Variants in PACS2 observed in about 807,000 individuals in gnomAD.
The protein encoded by PACS2 is PACS1-like protein.
Under a neutral mutation model 113.0 loss-of-function variants are expected in PACS2, and 36 were observed. That is an observed-to-expected ratio of 0.32 (90% confidence interval 0.24 to 0.42). PACS2 has a LOEUF of 0.42. Among genes scored for constraint, PACS2 ranks in the 10% least tolerant of loss-of-function variants. The pLI is 1.00. For synonymous variants in PACS2, 589 were observed against 536.1 expected (o/e 1.10, Z -1.36); for missense variants, 1,015 against 1,239.5 (o/e 0.82, Z 2.72).
chr14:105,394,877 TC>T lies in PACS2; in HGVS notation c.*206del. On this transcript the variant is annotated 3_prime_UTR_variant, in exon 25 of 25. Transcript: ENST00000447393. Reference sequence around the variant, plus strand: ...CTGCTCTGCTTATTAACCCGAACGTTCGGCCCGGGGCTGGGAAGCCAGAAGG... The same window carrying T: ...CTGCTCTGCTTATTAACCCGAACGTTGGCCCGGGGCTGGGAAGCCAGAAGG... 1 of 552,728 alleles carries T rather than the reference TC, an allele frequency of 1.8e-6. No homozygotes were observed. The allele number at this position is 552,728 out of a possible 1,614,324, so 34.2% of individuals were successfully genotyped here.
rs896453721 is a variant in PACS2 at position 105,329,552 on chromosome 14, G to A, written c.119+14515G>A. ...GGGCTCATGGGGCAGTAGAGTGGGGGGCTGTGGTCCTGGGCACCCTCTGGA... is the reference window on the plus strand; with the variant it reads ...GGGCTCATGGGGCAGTAGAGTGGGGAGCTGTGGTCCTGGGCACCCTCTGGA... On this transcript the variant is annotated intron_variant, in intron 1 of 24. Coordinates refer to ENST00000447393, the MANE Select transcript of PACS2 (RefSeq NM_001100913.3). The surrounding 1 kb of genome is among the most constrained non-coding windows in gnomAD (Gnocchi z 6.4). Among the ~76,000 whole-genome samples, 1 of 152,128 alleles carries A rather than the reference G, an allele frequency of 6.6e-6. No homozygotes were observed. The highest frequency in any genetic ancestry group is 2.4e-5 in the African/African-American group (1 of 41,444).
chr14:105,368,260 G>A, intron 6 of PACS2, 113 bp downstream of exon 6: 1 of 876,750 alleles, frequency 1.1e-6, no homozygotes, highest in South Asian at 1.5e-5. Context: ...TGAGCCACGG[G>A]CCTGGCCCCT....
In PACS2 at chr14:105,366,909, G is replaced by A. The variant is rs1188723331; in HGVS notation, c.424-304G>A. ...CTGTCCATCTCAGTCCCTCGTGACT[G>A]TGCCTGGCACTGGCCTCTCCAGCAC... On this transcript the variant is annotated intron_variant, in intron 4 of 24. Transcript: ENST00000447393. The surrounding 1 kb of genome is among the most constrained non-coding windows in gnomAD (Gnocchi z 4.3). Among the ~76,000 whole-genome samples the A allele has an allele frequency of 6.6e-6, 1 of 152,178 alleles. No individual in the cohort carries two copies. The highest frequency in any genetic ancestry group is 1.5e-5 in the Non-Finnish European group (1 of 68,034).
intron 4 of PACS2, among the ~76,000 whole-genome samples, chr14:105,362,267 A>C (rs1247819247): frequency 6.7e-6 from 1 of 150,028 alleles, no homozygotes; most frequent in Non-Finnish European, 1.5e-5. Context: ...AAATATAAAA[A>C]ATTAGCTGGG....
chr14:105,348,814 G>A lies in PACS2; in HGVS notation c.207+234G>A. 2.0e-6 allele frequency: 1 copy of A among 499,936 alleles called. No homozygotes were observed. The highest frequency in any genetic ancestry group is 3.6e-6 in the Non-Finnish European group (1 of 275,312). The allele number at this position is 499,936 out of a possible 1,614,324, so 31.0% of individuals were successfully genotyped here. A position where few individuals can be genotyped will look rare whatever the true frequency, so the allele number is the denominator to read the frequency against. ...GGGATGTGGAGGTCACATGCATGGG[G>A]CCTTCCCAGGGCAGAGCTGCCCTCG... is the stretch of plus-strand genomic sequence containing the variant. On this transcript the variant is annotated intron_variant, in intron 2 of 24. Transcript: ENST00000447393. The surrounding 1 kb of genome is among the most constrained non-coding windows in gnomAD (Gnocchi z 6.4).
At position 105,381,075 on chromosome 14, in the gene PACS2, A is replaced by AGTCCCTTGTCATCCCCTCCTG; in HGVS notation, c.1263_1264insTGGTCCCTTGTCATCCCCTCC (p.Ser421_Thr422insTrpSerLeuValIleProSer). On this transcript the variant is annotated inframe_insertion, in exon 12 of 25. Transcript: ENST00000447393. ...CCCAGCGGGAGGATCACCAAGACAG[A>AGTCCCTTGTCATCCCCTCCTG]GTCCCTTGTCATCCCCTCCACCAGG... 1 of 1,612,164 alleles carries AGTCCCTTGTCATCCCCTCCTG rather than the reference A, an allele frequency of 6.2e-7. No individual in the cohort carries two copies. Among genetic ancestry groups the AGTCCCTTGTCATCCCCTCCTG allele is most frequent in the Non-Finnish European group, 8.5e-7 (1 of 1,179,616 alleles).
intron 1 of PACS2, among the ~76,000 whole-genome samples, chr14:105,322,747 T>C (rs2058948203): frequency 6.6e-6 from 1 of 152,388 alleles, no homozygotes; most frequent in Admixed American, 6.5e-5. Flanking sequence ...TGCTTTATAC[T>C]GTGATATTTG....
At chr14:105,362,469 G>T (rs1276652211) in intron 4 of PACS2, among the ~76,000 whole-genome samples, 1 of 151,736 alleles carries the variant, frequency 6.6e-6, no homozygotes, top group Non-Finnish European at 1.5e-5. Flanking sequence ...TTTCCAGGGG[G>T]TTTCCAATTT....
chr14:105,375,712 G>A (rs1025057137), intron 8 of PACS2, among the ~76,000 whole-genome samples: 6 of 152,194 alleles, frequency 3.9e-5, no homozygotes, highest in African/African-American at 1.4e-4. Flanking sequence ...GGGAATGTAA[G>A]GTGGTGTGGC....
chr14:105,373,692 G>A (rs2061240794), intron 8 of PACS2, among the ~76,000 whole-genome samples: 1 of 152,100 alleles, frequency 6.6e-6, no homozygotes, highest in Admixed American at 6.5e-5. Flanking sequence ...GAAGGCTGAG[G>A]TGGGAGAATC....
intron 1 of PACS2, among the ~76,000 whole-genome samples, chr14:105,328,605 T>A (rs2059203081): frequency 6.6e-6 from 1 of 152,216 alleles, no homozygotes; most frequent in Non-Finnish European, 1.5e-5. Context: ...CTGGAGGTAC[T>A]GCCTGGGGGT....
chr14:105,361,219 C>T (rs375406378), intron 4 of PACS2, among the ~76,000 whole-genome samples: 116 of 152,332 alleles, frequency 7.6e-4, no homozygotes, highest in African/African-American at 1.4e-3. Context: ...CCAGGCCACG[C>T]GCAGTGGCTC....
chr14:105,361,331 T>G (rs1364216004), intron 4 of PACS2, among the ~76,000 whole-genome samples: 2 of 151,394 alleles, frequency 1.3e-5, no homozygotes, highest in Admixed American at 6.6e-5. Flanking sequence ...CTGTCTCTGC[T>G]AAAAATACAA....
At position 105,396,914 on chromosome 14, in the gene PACS2, G is replaced by C. The variant is rs1349867119; in HGVS notation, c.*2242G>C. The C allele has an allele frequency of 1.3e-5, 2 of 152,290 alleles. No homozygotes were observed. Among genetic ancestry groups the C allele is most frequent in the African/African-American group, 4.8e-5 (2 of 41,448 alleles). The allele number at this position is 152,290 out of a possible 1,614,324, so 9.4% of individuals were successfully genotyped here. A position where few individuals can be genotyped will look rare whatever the true frequency, so the allele number is the denominator to read the frequency against. ...CAGGTTTTAGAGGAAGGGGCCACAG[G>C]CTGCCTAGTGCATCCTGGCTGTGGG... On this transcript the variant is annotated 3_prime_UTR_variant, in exon 25 of 25. Transcript: ENST00000447393.
At chr14:105,379,853 C>T (rs371733413) in intron 10 of PACS2, 24 bp downstream of exon 10, 1 of 1,601,702 alleles carries the variant, frequency 6.2e-7, no homozygotes, top group African/African-American at 1.3e-5. Flanking sequence ...CACTGATCTC[C>T]CAGAGCAGAC....
rs2081519784 is a variant in PACS2, at chr14:105,396,048, C to T, written c.*1376C>T. The T allele has an allele frequency of 6.6e-6, 1 of 152,264 alleles. No homozygotes were observed. Among genetic ancestry groups the T allele is most frequent in the East Asian group, 1.9e-4 (1 of 5,190 alleles). 9.4% of individuals were successfully genotyped at this position (152,264 alleles called of 1,614,324 possible). ...TGGAGGGGTCTCCACCCTTGCTGGC[C>T]TGAGAGATGGCCCACATTTCTTACT... On this transcript the variant is annotated 3_prime_UTR_variant, in exon 25 of 25. Coordinates refer to ENST00000447393, the MANE Select transcript of PACS2 (RefSeq NM_001100913.3).
rs2081495036 is a variant in PACS2, at chr14:105,395,052, T to TGGCCACAGGCCGAG, written c.*386_*399dup. 2 of 233,802 alleles carry TGGCCACAGGCCGAG rather than the reference T, an allele frequency of 8.6e-6. No individual in the cohort carries two copies. The highest frequency in any genetic ancestry group is 1.7e-5 in the Non-Finnish European group (2 of 116,606). The allele number at this position is 233,802 out of a possible 1,614,324, so 14.5% of individuals were successfully genotyped here. Reference sequence around the variant, plus strand: ...GGAGCCCGGGGAAGGCGGAGCTCAGTGGCCACAGGCCGAGGGCCATGGGGC... The same window carrying TGGCCACAGGCCGAG: ...GGAGCCCGGGGAAGGCGGAGCTCAGTGGCCACAGGCCGAGGGCCACAGGCCGAGGGCCATGGGGC... On this transcript the variant is annotated 3_prime_UTR_variant, in exon 25 of 25. Transcript: ENST00000447393.
At chr14:105,375,481 CAAAA>C (rs34549878) in intron 8 of PACS2, among the ~76,000 whole-genome samples, 8 of 51,408 alleles carry the variant, frequency 1.6e-4, no homozygotes, top group Non-Finnish European at 2.3e-4. Context: ...GACTCCATCT[CAAAA>C]AAAAAAAAAA....
intron 15 of PACS2, 79 bp downstream of exon 15, chr14:105,382,992 G>T (rs587716308): frequency 8.4e-6 from 7 of 835,814 alleles, no homozygotes; most frequent in South Asian, 1.4e-5. Context: ...CCATTGCTCC[G>T]GGGCTAGGTG....
Sources: allele counts gnomAD v4.1 joint callset (sites outside exome capture counted in the v4.1 genomes callset), GRCh38; gene constraint gnomAD v4.1.1; non-coding constraint Gnocchi (gnomAD v3.1); transcripts MANE v1.5; gene names NCBI Gene and HGNC (gene_info 2026-07-23, HGNC 2026-07-21).